Variants in GATAD2A observed in about 807,000 individuals in gnomAD.
The protein encoded by GATAD2A is GATA zinc finger domain containing 2A.
GATAD2A carries 12 observed loss-of-function variants against 68.5 expected under a neutral mutation model. The observed-to-expected ratio is 0.18, with a 90% CI of 0.11 to 0.28. The LOEUF (loss-of-function observed/expected upper bound fraction) is 0.28. Among genes scored for constraint, GATAD2A ranks in the 10% least tolerant of loss-of-function variants. GATAD2A has a pLI of 1.00. For synonymous variants in GATAD2A, 410 were observed against 375.3 expected (o/e 1.09, Z -1.07); for missense variants, 755 against 868.5 (o/e 0.87, Z 1.64).
chr19:19,473,835 A>G (rs1014090502), intron 2 of GATAD2A, among the ~76,000 whole-genome samples: 1 of 151,918 alleles, frequency 6.6e-6, no homozygotes, highest in East Asian at 1.9e-4. Flanking sequence ...AGTCCCAGCA[A>G]CTTGGGTGGC....
At chr19:19,471,640 C>T (rs1337175627) in intron 2 of GATAD2A, among the ~76,000 whole-genome samples, 1 of 152,256 alleles carries the variant, frequency 6.6e-6, no homozygotes, top group South Asian at 2.1e-4. Flanking sequence ...GGTACTCTTA[C>T]GGTGGCTGAA....
At chr19:19,436,186 C>G (rs756252419) in intron 1 of GATAD2A, 1 of 1,366,258 alleles carries the variant, frequency 7.3e-7, no homozygotes, top group Admixed American at 1.9e-5. Context: ...CCATGGCCAA[C>G]TGGTAGGACC....
chr19:19,459,689 C>G (rs1269775197), intron 1 of GATAD2A, among the ~76,000 whole-genome samples: 4 of 152,242 alleles, frequency 2.6e-5, no homozygotes, highest in Non-Finnish European at 5.9e-5. Flanking sequence ...GTGGCATCCT[C>G]TCTTGGCCCA....
chr19:19,413,686 G>A (rs2051239194), intron 1 of GATAD2A, among the ~76,000 whole-genome samples: 1 of 152,104 alleles, frequency 6.6e-6, no homozygotes, highest in Non-Finnish European at 1.5e-5. Flanking sequence ...CTGGGTTCAA[G>A]CGATTCTCCT....
chr19:19,465,303 C>G, intron 1 of GATAD2A, 37 bp from the exon 2 acceptor site: 1 of 1,524,554 alleles, frequency 6.6e-7, no homozygotes. Context: ...CTTCATTGCA[C>G]CCAGTTAAAA....
chr19:19,393,939 T>G (rs1005290590), intron 1 of GATAD2A, among the ~76,000 whole-genome samples: 1 of 151,156 alleles, frequency 6.6e-6, no homozygotes, highest in African/African-American at 2.4e-5. Context: ...CAGGCTGGAG[T>G]GCAGTGGCGT....
At chr19:19,406,239 G>T (rs560148785) in intron 1 of GATAD2A, among the ~76,000 whole-genome samples, 47 of 105,288 alleles carry the variant, frequency 4.5e-4, no homozygotes, top group African/African-American at 7.4e-4. Flanking sequence ...CCGGGCACGT[G>T]GGGGCCGGGC....
chr19:19,474,748 C>T (rs757111431), intron 2 of GATAD2A, among the ~76,000 whole-genome samples: 4 of 152,216 alleles, frequency 2.6e-5, no homozygotes, highest in Non-Finnish European at 5.9e-5. Flanking sequence ...TGTGGTTAGT[C>T]GTTTTAGAGA....
intron 2 of GATAD2A, among the ~76,000 whole-genome samples, chr19:19,470,507 G>C (rs2058221050): frequency 6.6e-6 from 1 of 152,190 alleles, no homozygotes; most frequent in Admixed American, 6.5e-5. Context: ...ACATAAACTT[G>C]ATAGGATTGA....
At position 19,492,599 on chromosome 19, in the gene GATAD2A, C is replaced by A. The variant is rs2059875035; in HGVS notation, c.421C>A (p.Arg141=). 1 of 1,614,082 alleles carries A rather than the reference C, an allele frequency of 6.2e-7. No homozygotes were observed. The highest frequency in any genetic ancestry group is 1.3e-5 in the African/African-American group (1 of 75,014). Residue 141 remains arginine, a synonymous_variant, in exon 4 of 12, where the codon CGA becomes AGA. Coordinates refer to ENST00000683918, the MANE Select transcript of GATAD2A (RefSeq NM_001384528.1). ...EALMKSSPEE[R]ERMIKQLKEE... ...CCTGCAGAAAAGCAGTCCTGAAGAA[C>A]GAGAAAGGATGATCAAGCAGCTGAA...
intron 1 of GATAD2A, among the ~76,000 whole-genome samples, chr19:19,443,542 A>C (rs2055350994): frequency 6.6e-6 from 1 of 152,196 alleles, no homozygotes; most frequent in African/African-American, 2.4e-5. Flanking sequence ...TGACCCCTTT[A>C]GCACAAATGC....
chr19:19,423,530 G>GC (rs1335369048), intron 1 of GATAD2A, among the ~76,000 whole-genome samples: 1 of 152,230 alleles, frequency 6.6e-6, no homozygotes, highest in African/African-American at 2.4e-5. Context: ...TGGGCTGAAT[G>GC]CCCCCCTGAG....
At chr19:19,502,547 T>G in intron 11 of GATAD2A, 21 bp downstream of exon 11, 1 of 1,564,052 alleles carries the variant, frequency 6.4e-7, no homozygotes, top group Non-Finnish European at 8.7e-7. Flanking sequence ...TCCACAGGGC[T>G]CCCCAGGGGA....
At chr19:19,461,157 A>C (rs2057397404) in intron 1 of GATAD2A, among the ~76,000 whole-genome samples, 1 of 152,322 alleles carries the variant, frequency 6.6e-6, no homozygotes, top group African/African-American at 2.4e-5. Flanking sequence ...CGTTAAGAGC[A>C]TCAGCCCTGC....
chr19:19,439,685 TA>T, intron 1 of GATAD2A, among the ~76,000 whole-genome samples: 1 of 152,108 alleles, frequency 6.6e-6, no homozygotes, highest in East Asian at 1.9e-4. Flanking sequence ...CCATCTTTAC[TA>T]AAAGTACAAA....
intron 1 of GATAD2A, among the ~76,000 whole-genome samples, chr19:19,430,976 G>GGGTGT (rs140794575): frequency 0.014 from 1,953 of 136,728 alleles, 55 homozygotes; most frequent in African/African-American, 0.051. Context: ...GTATGGTAGG[G>GGGTGT]GTGTGTGTGT....
At chr19:19,420,349 T>G (rs1202750554) in intron 1 of GATAD2A, among the ~76,000 whole-genome samples, 5 of 143,128 alleles carry the variant, frequency 3.5e-5, no homozygotes, top group African/African-American at 1.0e-4. Flanking sequence ...TTTTTTTTTT[T>G]GATACGGGGT....
chr19:19,448,074 C>T lies in GATAD2A; in HGVS notation c.-6-17266C>T, dbSNP rs550333124. Among the ~76,000 whole-genome samples the T allele has an allele frequency of 1.4e-4, 22 of 152,338 alleles. 1 individual carries two copies. The highest frequency in any genetic ancestry group is 2.1e-4 in the South Asian group (1 of 4,826). ...TAGCAGATGGCATGGAAATGGCAGG[C>T]GTAACCCTTCGTAGGCCACGTAGGC... On this transcript the variant is annotated intron_variant, in intron 1 of 11. Transcript: ENST00000683918.
At chr19:19,469,104 G>A (rs1398213367) in intron 2 of GATAD2A, among the ~76,000 whole-genome samples, 1 of 152,136 alleles carries the variant, frequency 6.6e-6, no homozygotes, top group East Asian at 1.9e-4. Flanking sequence ...GCCTAGAGCA[G>A]CTCTGAACAA....
Sources: gnomAD v4.1 joint callset for allele counts (sites outside exome capture counted in the v4.1 genomes callset) on GRCh38, gnomAD v4.1.1 for gene constraint, MANE v1.5 for transcripts, NCBI Gene and HGNC (gene_info 2026-07-23, HGNC 2026-07-21) for gene names.